Variants in EXOC6B observed in about 807,000 individuals in gnomAD.
EXOC6B encodes the protein SEC15 homolog B.
EXOC6B carries 54 observed loss-of-function variants against 113.5 expected under a neutral mutation model. The ratio of observed to expected loss-of-function variants is 0.48; its 90% confidence interval spans 0.38 to 0.60. The LOEUF is 0.60. EXOC6B is among the 20% of genes least tolerant of loss of function. The pLI, the probability that EXOC6B is intolerant of heterozygous loss-of-function variation, is 0.00. For synonymous variants in EXOC6B, 357 were observed against 339.0 expected (o/e 1.05, Z -0.58); for missense variants, 797 against 977.5 (o/e 0.82, Z 2.46).
chr2:72,726,763 A>T (rs1380907960), intron 5 of EXOC6B, among the ~76,000 whole-genome samples: 1 of 152,180 alleles, frequency 6.6e-6, no homozygotes, highest in Non-Finnish European at 1.5e-5. Context: ...TTAAAGACTC[A>T]TTGTAAGTCA....
chr2:72,309,329 T>G (rs1687064691), intron 20 of EXOC6B, among the ~76,000 whole-genome samples: 1 of 152,152 alleles, frequency 6.6e-6, no homozygotes, highest in Non-Finnish European at 1.5e-5. Flanking sequence ...TGTAATGTTT[T>G]TCCAAAACTT....
At chr2:72,533,738 T>C (rs1702137262) in intron 8 of EXOC6B, among the ~76,000 whole-genome samples, 1 of 152,194 alleles carries the variant, frequency 6.6e-6, no homozygotes, top group East Asian at 1.9e-4. Flanking sequence ...TAAACAGCTC[T>C]TTCTCCTCAC....
At chr2:72,216,550 G>A in intron 20 of EXOC6B, among the ~76,000 whole-genome samples, 1 of 152,144 alleles carries the variant, frequency 6.6e-6, no homozygotes, top group Non-Finnish European at 1.5e-5. Flanking sequence ...TCCCATTACT[G>A]AGTATATACC....
intron 1 of EXOC6B, among the ~76,000 whole-genome samples, chr2:72,744,703 C>G (rs1466160219): frequency 1.3e-5 from 2 of 152,104 alleles, no homozygotes; most frequent in Non-Finnish European, 2.9e-5. Context: ...AGTTAAATGG[C>G]AAGTATAGTT....
intron 20 of EXOC6B, among the ~76,000 whole-genome samples, chr2:72,246,439 A>G (rs1682660994): frequency 6.6e-6 from 1 of 152,040 alleles, no homozygotes; most frequent in South Asian, 2.1e-4. Context: ...AGGTGCTCAG[A>G]ATTAGATGAC....
At chr2:72,622,142 G>T (rs993724493) in intron 6 of EXOC6B, among the ~76,000 whole-genome samples, 37 of 150,782 alleles carry the variant, frequency 2.5e-4, no homozygotes, top group Non-Finnish European at 7.4e-5. Context: ...TATAGGATTA[G>T]AATGGGAAAA....
intron 18 of EXOC6B, among the ~76,000 whole-genome samples, chr2:72,430,462 C>G (rs968174890): frequency 6.6e-6 from 1 of 152,068 alleles, no homozygotes; most frequent in African/African-American, 2.4e-5. Context: ...ATGGTGAAAC[C>G]CTGTCTTACT....
chr2:72,695,602 C>T (rs1402745747), intron 6 of EXOC6B, among the ~76,000 whole-genome samples: 3 of 151,854 alleles, frequency 2.0e-5, no homozygotes, highest in African/African-American at 7.3e-5. Context: ...ATAGCTAAAG[C>T]AGAGATGAAA....
intron 20 of EXOC6B, among the ~76,000 whole-genome samples, chr2:72,295,494 T>C (rs756986053): frequency 6.6e-6 from 1 of 152,172 alleles, no homozygotes; most frequent in Non-Finnish European, 1.5e-5. Context: ...TGTTTTAGGC[T>C]TTGCATGCCA....
chr2:72,406,638 A>G (rs1427253700), intron 18 of EXOC6B, among the ~76,000 whole-genome samples: 5 of 152,222 alleles, frequency 3.3e-5, no homozygotes, highest in Non-Finnish European at 7.3e-5. Flanking sequence ...AGAAATAAAG[A>G]TGTGCTTTGA....
chr2:72,734,164 C>CTTTTAAACAGTGA (rs1680812879), intron 2 of EXOC6B, among the ~76,000 whole-genome samples: 1 of 152,172 alleles, frequency 6.6e-6, no homozygotes, highest in South Asian at 2.1e-4. Context: ...AAAGAATACA[C>CTTTTAAACAGTGA]TTTTGAAATC....
At chr2:72,251,857 C>T (rs78002025) in intron 20 of EXOC6B, among the ~76,000 whole-genome samples, 4,862 of 152,220 alleles carry the variant, frequency 0.032, 277 homozygotes, top group African/African-American at 0.11. Flanking sequence ...ATCTGATCAA[C>T]ATCAACATTA....
chr2:72,689,895 T>C (rs1266180870), intron 6 of EXOC6B, among the ~76,000 whole-genome samples: 1 of 152,194 alleles, frequency 6.6e-6, no homozygotes, highest in African/African-American at 2.4e-5. Context: ...ATTGCTAAGC[T>C]TCTCATTCCA....
chr2:72,671,749 G>GAGAAAGAAAGAAAGAAAGAA (rs533048065), intron 6 of EXOC6B, among the ~76,000 whole-genome samples: 1 of 96,590 alleles, frequency 1.0e-5, no homozygotes, highest in Non-Finnish European at 1.9e-5. Context: ...GAGAGAGACA[G>GAGAAAGAAAGAAAGAAAGAA]AGAAAGAAAG....
chr2:72,420,442 G>A lies in EXOC6B; in HGVS notation c.1981-40572C>T, dbSNP rs543764028. 3.8e-4 allele frequency among the ~76,000 whole-genome samples: 58 copies of A among 152,188 alleles called. 2 individuals are homozygous for A. In the South Asian group the frequency reaches 0.012, roughly 32 times the overall value. ...GTGATGTTCCCCTCCCTGTGTCCAT[G>A]TGTTCTCATTGTTCACCTCCCACTT... On this transcript the variant is annotated intron_variant, in intron 18 of 21. Transcript: ENST00000272427.
chr2:72,329,500 C>T (rs1478723880), intron 20 of EXOC6B, among the ~76,000 whole-genome samples: 3 of 152,012 alleles, frequency 2.0e-5, no homozygotes, highest in South Asian at 2.1e-4. Context: ...AAACAAAGAT[C>T]AGCTTCTGAT....
At chr2:72,332,259 C>T (rs1299433230) in intron 20 of EXOC6B, among the ~76,000 whole-genome samples, 2 of 151,900 alleles carry the variant, frequency 1.3e-5, no homozygotes, top group Non-Finnish European at 2.9e-5. Flanking sequence ...ATAACTGACT[C>T]AGGAGGTCAG....
At chr2:72,742,309 A>G (rs78939298) in intron 1 of EXOC6B, among the ~76,000 whole-genome samples, 10,262 of 152,226 alleles carry the variant, frequency 0.067, 1,176 homozygotes, top group African/African-American at 0.23. Flanking sequence ...ATATAAACAT[A>G]ACTTTTATTT....
At chr2:72,185,721 C>T (rs1233252380) in intron 20 of EXOC6B, among the ~76,000 whole-genome samples, 1 of 149,718 alleles carries the variant, frequency 6.7e-6, no homozygotes, top group Non-Finnish European at 1.5e-5. Flanking sequence ...ACTTTCTACT[C>T]TAGTATCAGT....
Sources: gnomAD v4.1 joint callset for allele counts (sites outside exome capture counted in the v4.1 genomes callset) on GRCh38, gnomAD v4.1.1 for gene constraint, MANE v1.5 for transcripts, NCBI Gene and HGNC (gene_info 2026-07-23, HGNC 2026-07-21) for gene names.